The following HIGD1C variants were observed in gnomAD, a reference collection of about 807,000 sequenced individuals.
The protein encoded by HIGD1C is HIG1 domain family member 1C.
In HIGD1C, 11 loss-of-function variants were observed where a neutral mutation model predicts 13.1. The observed-to-expected ratio is 0.84, with a 90% CI of 0.53 to 1.39. HIGD1C has a LOEUF of 1.39. Among genes scored for constraint, HIGD1C ranks in the 40% most tolerant of loss-of-function variants. The pLI is 0.00. For synonymous variants in HIGD1C, 36 were observed against 37.7 expected, an observed-to-expected ratio of 0.95 and a Z score of 0.17; for missense variants, 110 against 112.0, an observed-to-expected ratio of 0.98 and a Z score of 0.08.
chr12:50,948,588 C>T, the HIGD1C span, among the ~76,000 whole-genome samples: 34 of 151,330 alleles, frequency 2.2e-4, no homozygotes, highest in African/African-American at 5.6e-4. Flanking sequence ...ATAAAAACAC[C>T]GCCGGGTGCA....
upstream of HIGD1C, among the ~76,000 whole-genome samples, chr12:50,950,445 T>C (rs1938866758): frequency 6.6e-6 from 1 of 152,070 alleles, no homozygotes; most frequent in South Asian, 2.1e-4. Context: ...GAGTCCAAAC[T>C]GATAAAAGAT....
intron 2 of HIGD1C, among the ~76,000 whole-genome samples, chr12:50,966,585 C>T (rs1939548671): frequency 6.6e-6 from 1 of 152,154 alleles, no homozygotes; most frequent in Non-Finnish European, 1.5e-5. Context: ...CAAAACTGCC[C>T]CTGGTTGAGA....
At chr12:50,945,388 T>C in the HIGD1C span, among the ~76,000 whole-genome samples, 1 of 152,198 alleles carries the variant, frequency 6.6e-6, no homozygotes, top group Non-Finnish European at 1.5e-5. Flanking sequence ...CAGCAAAGTC[T>C]CAGGATACAA....
At chr12:50,958,340 G>A (rs112549351) in intron 1 of HIGD1C, among the ~76,000 whole-genome samples, 4,145 of 148,426 alleles carry the variant, frequency 0.028, 196 homozygotes, top group African/African-American at 0.099. Flanking sequence ...GGAGTGCAGT[G>A]GCACTATCTC....
exon 3 of HIGD1C, chr12:50,970,460 A>G: frequency 2.6e-6 from 4 of 1,517,216 alleles, no homozygotes; most frequent in South Asian, 1.2e-5. Context: ...TATTCTATGT[A>G]TAAGGATTAC....
At chr12:50,959,089 T>C (rs1202249635) in intron 1 of HIGD1C, among the ~76,000 whole-genome samples, 5 of 152,180 alleles carry the variant, frequency 3.3e-5, no homozygotes, top group Non-Finnish European at 4.4e-5. Context: ...ATTTTGTCCT[T>C]GTCATATTCT....
At chr12:50,959,926 A>T (rs761302990) in intron 1 of HIGD1C, among the ~76,000 whole-genome samples, 3 of 152,244 alleles carry the variant, frequency 2.0e-5, no homozygotes, top group Non-Finnish European at 4.4e-5. Flanking sequence ...CTGGGATTAC[A>T]GGCATGAGCC....
the HIGD1C span, among the ~76,000 whole-genome samples, chr12:50,948,648 T>C: frequency 1.3e-5 from 2 of 150,454 alleles, no homozygotes; most frequent in African/African-American, 4.9e-5. Context: ...GGAGGGTGGA[T>C]CATGAGGTCA....
At chr12:50,944,794 G>A in the HIGD1C span, among the ~76,000 whole-genome samples, 664 of 152,248 alleles carry the variant, frequency 4.4e-3, 7 homozygotes, top group African/African-American at 0.016. Flanking sequence ...GGCTGAGGCA[G>A]GAGAATCGCT....
chr12:50,960,733 A>C (rs1031781692), intron 1 of HIGD1C, among the ~76,000 whole-genome samples: 3 of 151,896 alleles, frequency 2.0e-5, no homozygotes, highest in African/African-American at 7.3e-5. Flanking sequence ...ACCAGGCTGT[A>C]GTGCAGTGGT....
At chr12:50,969,250 C>A (rs562816441) in intron 2 of HIGD1C, among the ~76,000 whole-genome samples, 7 of 151,998 alleles carry the variant, frequency 4.6e-5, no homozygotes, top group African/African-American at 1.4e-4. Flanking sequence ...GCCAAGATCA[C>A]CCCACTGCAC....
chr12:50,937,919 G>A, the HIGD1C span, among the ~76,000 whole-genome samples: 1 of 152,018 alleles, frequency 6.6e-6, no homozygotes, highest in African/African-American at 2.4e-5. Flanking sequence ...TCCATGGGCA[G>A]CCATGCATGG....
chr12:50,944,241 C>T, the HIGD1C span, among the ~76,000 whole-genome samples: 1 of 152,176 alleles, frequency 6.6e-6, no homozygotes, highest in African/African-American at 2.4e-5. Flanking sequence ...CCAGGTCTGT[C>T]TTTTGCTAAG....
In HIGD1C at chr12:50,957,937, GGTGTGTGTGT is replaced by G. The variant is rs71089717; in HGVS notation, c.95-2992_95-2983del. Among the ~76,000 whole-genome samples the G allele has an allele frequency of 6.2e-3, 823 of 132,492 alleles. 13 individuals are homozygous for G. Among genetic ancestry groups the G allele is most frequent in the African/African-American group, 0.018 (660 of 36,658 alleles). 86.9% of individuals were successfully genotyped at this position (132,492 alleles called of 152,430 possible). On this transcript the variant is annotated intron_variant, in intron 1 of 2. Coordinates refer to ENST00000398455, the Ensembl canonical transcript of HIGD1C. Reference sequence around the variant, plus strand: ...GAGACTACTGTATTCATGAATTGGAGGTGTGTGTGTGTGTGTGTGTGTGTGTGTGTGTGTG... The same window carrying G: ...GAGACTACTGTATTCATGAATTGGAGGTGTGTGTGTGTGTGTGTGTGTGTG...
At chr12:50,945,725 A>G in the HIGD1C span, among the ~76,000 whole-genome samples, 59 of 152,336 alleles carry the variant, frequency 3.9e-4, no homozygotes, top group Non-Finnish European at 7.2e-4. Context: ...AATTGGGAAA[A>G]ACTACTTTAA....
downstream of HIGD1C, among the ~76,000 whole-genome samples, chr12:50,970,953 A>T (rs1939739760): frequency 6.6e-6 from 1 of 152,058 alleles, no homozygotes; most frequent in South Asian, 2.1e-4. Flanking sequence ...ATCTCCGCTC[A>T]CCGCAACCTC....
At chr12:50,952,757 A>G (rs530367680), upstream of HIGD1C, among the ~76,000 whole-genome samples, 1 of 152,268 alleles carries the variant, frequency 6.6e-6, no homozygotes, top group African/African-American at 2.4e-5. Flanking sequence ...GGAGATTCCA[A>G]CTGCAGGGAG....
chr12:50,961,723 C>G (rs993074565), intron 2 of HIGD1C, among the ~76,000 whole-genome samples: 7 of 152,126 alleles, frequency 4.6e-5, no homozygotes. Flanking sequence ...CTAAATTAAT[C>G]TAAATTTGTT....
chr12:50,956,281 C>G (rs1044695876), intron 1 of HIGD1C, among the ~76,000 whole-genome samples: 10 of 151,994 alleles, frequency 6.6e-5, no homozygotes, highest in African/African-American at 2.2e-4. Context: ...AGTCCCAGCT[C>G]CTCAGGAGGC....
Sources: allele counts gnomAD v4.1 joint callset (sites outside exome capture counted in the v4.1 genomes callset), GRCh38; gene constraint gnomAD v4.1.1; transcripts MANE v1.5; gene names NCBI Gene and HGNC (gene_info 2026-07-23, HGNC 2026-07-21).